SRFBP1: variants seen among roughly 807,000 people sequenced by gnomAD.
The protein encoded by SRFBP1 is serum response factor-binding protein 1.
In SRFBP1, 47 loss-of-function variants were observed where a neutral mutation model predicts 45.5. The observed-to-expected ratio is 1.03, with a 90% CI of 0.82 to 1.32. SRFBP1 has a LOEUF of 1.32. SRFBP1 is among the 40% of genes most tolerant of loss of function. SRFBP1 has a pLI of 0.00. For synonymous variants in SRFBP1, 203 were observed against 166.3 expected (o/e 1.22, Z -1.70); for missense variants, 621 against 484.6 (o/e 1.28, Z -2.64).
intron 2 of SRFBP1, 125 bp from the exon 3 acceptor site, chr5:121,975,190 G>A (rs1017546545): frequency 8.4e-6 from 8 of 949,988 alleles, no homozygotes; most frequent in Admixed American, 8.2e-5. Context: ...GTGTAGGATA[G>A]TGGCGTGTTT....
intron 3 of SRFBP1, among the ~76,000 whole-genome samples, chr5:121,982,949 C>G (rs1213248235): frequency 6.6e-6 from 1 of 151,688 alleles, no homozygotes; most frequent in African/African-American, 2.4e-5. Flanking sequence ...ATCCAAAGCA[C>G]TTTTAAATTA....
chr5:121,989,962 T>C (rs1468548413), intron 3 of SRFBP1, among the ~76,000 whole-genome samples: 2 of 152,194 alleles, frequency 1.3e-5, no homozygotes, highest in African/African-American at 2.4e-5. Context: ...TTGGCAAATC[T>C]TGGATTTGAA....
At chr5:121,994,523 A>T in intron 3 of SRFBP1, 76 bp from the exon 4 acceptor site, 1 of 890,102 alleles carries the variant, frequency 1.1e-6, no homozygotes, top group Non-Finnish European at 1.7e-6. Flanking sequence ...AAGTTTCTTA[A>T]GATACGGAAA....
chr5:122,047,824 T>G lies in SRFBP1; in HGVS notation n.311+25417T>G, dbSNP rs189652294. ...CTTTGAAGCAAGTGTGAATGGGAGT[T>G]CACTCATGATTTGGCTCTGTTTGTC... is the stretch of plus-strand genomic sequence containing the variant. On this transcript the variant is annotated intron_variant and non_coding_transcript_variant, in intron 2 of 2. Transcript: ENST00000504881. Among the ~76,000 whole-genome samples the G allele has an allele frequency of 2.0e-3, 312 of 152,320 alleles. 1 individual carries two copies. The highest frequency in any genetic ancestry group is 3.7e-3 in the Non-Finnish European group (255 of 68,040).
chr5:122,023,103 T>G (rs1753395969), intron 7 of SRFBP1, among the ~76,000 whole-genome samples: 1 of 152,226 alleles, frequency 6.6e-6, no homozygotes, highest in African/African-American at 2.4e-5. Flanking sequence ...CCAGTTCTAC[T>G]CACATATCAT....
chr5:122,064,112 C>A (rs1414860061), intron 2 of SRFBP1: 1 of 151,756 alleles, frequency 6.6e-6, no homozygotes, highest in Non-Finnish European at 1.5e-5. Context: ...CTATTTAGTC[C>A]ATTTTCTGTC....
intron 2 of SRFBP1, 114 bp from the exon 3 acceptor site, chr5:121,975,201 G>T: frequency 1.3e-5 from 14 of 1,071,038 alleles, no homozygotes; most frequent in Admixed American, 2.0e-5. Context: ...TGGCGTGTTT[G>T]TTATTTAGAG....
chr5:122,075,390 G>A lies in SRFBP1; in HGVS notation n.387G>A, dbSNP rs1275317867. On this transcript the variant is annotated non_coding_transcript_exon_variant, in exon 3 of 3. Transcript: ENST00000504881. Reference sequence around the variant, plus strand: ...AAAGCAACCCAAAAGTACCCAGGAGGCCCATTTACTTACTGATGACAACTG... The same window carrying A: ...AAAGCAACCCAAAAGTACCCAGGAGACCCATTTACTTACTGATGACAACTG... The A allele has an allele frequency of 6.3e-7, 1 of 1,590,938 alleles. No individual in the cohort carries two copies. Among genetic ancestry groups the A allele is most frequent in the African/African-American group, 1.4e-5 (1 of 73,882 alleles).
chr5:122,004,824 A>G lies in SRFBP1; in HGVS notation c.270+10154A>G, dbSNP rs537597398. ...CTTAGAACTGTTTTTGCTGTGTCCC[A>G]TAAGTTTTGGTATGTTGTGTTTGCA... On this transcript the variant is annotated intron_variant, in intron 4 of 7. Coordinates refer to ENST00000339397, the MANE Select transcript of SRFBP1 (RefSeq NM_152546.3). Among the ~76,000 whole-genome samples, 10 of 152,224 alleles carry G rather than the reference A, an allele frequency of 6.6e-5. No homozygotes were observed. In the East Asian group the frequency reaches 9.7e-4, roughly 15 times the overall value.
intron 1 of SRFBP1, among the ~76,000 whole-genome samples, chr5:121,963,579 G>T (rs1190229066): frequency 6.6e-6 from 1 of 152,068 alleles, no homozygotes; most frequent in Non-Finnish European, 1.5e-5. Flanking sequence ...TTGACCTTTA[G>T]GAAACCTTCA....
At chr5:122,057,114 G>C (rs565858556) in intron 2 of SRFBP1, among the ~76,000 whole-genome samples, 55 of 152,284 alleles carry the variant, frequency 3.6e-4, no homozygotes, top group Non-Finnish European at 6.5e-4. Context: ...TGTCTTTCCA[G>C]TAACCTCTTT....
At chr5:121,982,352 A>C (rs945952673) in intron 3 of SRFBP1, among the ~76,000 whole-genome samples, 1 of 151,934 alleles carries the variant, frequency 6.6e-6, no homozygotes, top group Non-Finnish European at 1.5e-5. Context: ...TTAGTAACAG[A>C]TCATCATACT....
intron 2 of SRFBP1, among the ~76,000 whole-genome samples, chr5:122,061,904 A>G (rs542702943): frequency 1.1e-4 from 16 of 152,108 alleles, no homozygotes; most frequent in Middle Eastern, 6.8e-3. Flanking sequence ...AAATGCTGCC[A>G]CATTTATTTT....
intron 2 of SRFBP1, 44 bp downstream of exon 2, chr5:121,974,328 A>G: frequency 4.3e-6 from 6 of 1,406,288 alleles, no homozygotes; most frequent in Non-Finnish European, 6.0e-6. Context: ...TAAAATGTCA[A>G]AAGTTGTTTT....
chr5:121,973,931 C>T (rs1752250673), intron 1 of SRFBP1, among the ~76,000 whole-genome samples: 1 of 151,716 alleles, frequency 6.6e-6, no homozygotes, highest in African/African-American at 2.4e-5. Flanking sequence ...ATAAGTGTAA[C>T]ATTAAAATAC....
intron 4 of SRFBP1, among the ~76,000 whole-genome samples, chr5:122,005,312 G>A (rs78620565): frequency 0.038 from 5,816 of 152,120 alleles, 322 homozygotes; most frequent in African/African-American, 0.12. Context: ...TTTGCTTTAT[G>A]TATTTGGGTC....
downstream of SRFBP1, among the ~76,000 whole-genome samples, chr5:122,076,643 C>G (rs1407459011): frequency 6.6e-6 from 1 of 152,198 alleles, no homozygotes; most frequent in Non-Finnish European, 1.5e-5. Flanking sequence ...ATGAGACTTT[C>G]AGTCTCCAGG....
At chr5:122,012,627 G>A (rs1224088623) in intron 4 of SRFBP1, among the ~76,000 whole-genome samples, 2 of 151,962 alleles carry the variant, frequency 1.3e-5, no homozygotes, top group Non-Finnish European at 2.9e-5. Flanking sequence ...AAAATAGCTG[G>A]CAGCTAAATA....
At chr5:121,962,163 T>G in intron 1 of SRFBP1, 95 bp downstream of exon 1, 1 of 1,506,754 alleles carries the variant, frequency 6.6e-7, no homozygotes, top group Non-Finnish European at 9.1e-7. Context: ...AGGGTGCGGT[T>G]GGAGGAACTT....
Sources: gnomAD v4.1 joint callset for allele counts (sites outside exome capture counted in the v4.1 genomes callset) on GRCh38, gnomAD v4.1.1 for gene constraint, MANE v1.5 for transcripts, NCBI Gene and HGNC (gene_info 2026-07-23, HGNC 2026-07-21) for gene names.